Variants in CHLSN observed in about 807,000 individuals in gnomAD.
CHLSN encodes the protein cholesin, also known as protein cholesin.
chr7:980,648 G>A, the CHLSN span, among the ~76,000 whole-genome samples: 7 of 150,732 alleles, frequency 4.6e-5, no homozygotes, highest in African/African-American at 1.7e-4. Flanking sequence ...ACAGGCAGCC[G>A]TTAGAGGAGT....
At chr7:1,001,489 T>C in the CHLSN span, among the ~76,000 whole-genome samples, 10 of 116,616 alleles carry the variant, frequency 8.6e-5, no homozygotes, top group East Asian at 2.6e-4. Flanking sequence ...GTGAGTGGAG[T>C]CCTGCGGGTG....
the CHLSN span, among the ~76,000 whole-genome samples, chr7:980,238 C>T: frequency 6.6e-6 from 1 of 151,842 alleles, no homozygotes; most frequent in Non-Finnish European, 1.5e-5. Flanking sequence ...ACCCACCCTG[C>T]CTCTGATGTC....
the CHLSN span, among the ~76,000 whole-genome samples, chr7:1,029,883 G>A: frequency 1.3e-5 from 2 of 152,336 alleles, no homozygotes; most frequent in South Asian, 4.1e-4. Flanking sequence ...TGTGGTGGCA[G>A]CGGGGCAGGC....
chr7:1,037,247 T>A, the CHLSN span, among the ~76,000 whole-genome samples: 1 of 140,120 alleles, frequency 7.1e-6, no homozygotes, highest in South Asian at 2.4e-4. Flanking sequence ...TTTGGAACAG[T>A]ACAATAAGGC....
the CHLSN span, among the ~76,000 whole-genome samples, chr7:1,136,699 TTA>T: frequency 6.7e-6 from 1 of 150,156 alleles, no homozygotes; most frequent in Non-Finnish European, 1.5e-5. Context: ...ATATATGTAC[TTA>T]TATATATCAT....
At chr7:1,136,523 T>C in the CHLSN span, among the ~76,000 whole-genome samples, 1 of 133,744 alleles carries the variant, frequency 7.5e-6, no homozygotes, top group Admixed American at 8.0e-5. Flanking sequence ...TATATAAATA[T>C]ATATAAACAT....
At chr7:1,107,073 T>C in the CHLSN span, among the ~76,000 whole-genome samples, 3 of 152,096 alleles carry the variant, frequency 2.0e-5, no homozygotes, top group Admixed American at 2.0e-4. Flanking sequence ...CAGACTCGAC[T>C]CCGGGAAGGA....
the CHLSN span, chr7:1,091,732 G>C: frequency 6.5e-7 from 1 of 1,527,314 alleles, no homozygotes; most frequent in Non-Finnish European, 8.8e-7. Context: ...CAGAGACATG[G>C]ATGTGACTTC....
At chr7:1,105,402 G>A in the CHLSN span, among the ~76,000 whole-genome samples, 1 of 152,212 alleles carries the variant, frequency 6.6e-6, no homozygotes, top group Non-Finnish European at 1.5e-5. Context: ...CTAAGAGCAG[G>A]TGCTTGAGAA....
the CHLSN span, chr7:984,950 G>T: frequency 1.9e-6 from 3 of 1,597,556 alleles, no homozygotes; most frequent in Admixed American, 1.7e-5. Context: ...CTGCCTACAG[G>T]CATCTTCTTC....
the CHLSN span, among the ~76,000 whole-genome samples, chr7:979,622 A>G: frequency 0.015 from 2,241 of 151,868 alleles, 120 homozygotes; most frequent in East Asian, 0.21. Flanking sequence ...CGTGGTGGTG[A>G]GTGCCTGTAG....
the CHLSN span, among the ~76,000 whole-genome samples, chr7:1,095,637 T>C: frequency 6.6e-6 from 1 of 152,212 alleles, no homozygotes; most frequent in Non-Finnish European, 1.5e-5. Context: ...ACACGGAACG[T>C]GGTCTGGTCC....
the CHLSN span, among the ~76,000 whole-genome samples, chr7:1,118,254 G>GT: frequency 6.6e-6 from 1 of 152,286 alleles, no homozygotes; most frequent in South Asian, 2.1e-4. Flanking sequence ...AGTCCTAGCC[G>GT]TTGCTAGAAG....
the CHLSN span, among the ~76,000 whole-genome samples, chr7:1,013,729 G>A: frequency 6.6e-6 from 1 of 152,142 alleles, no homozygotes; most frequent in Non-Finnish European, 1.5e-5. Flanking sequence ...GTCTAAAGCC[G>A]GCGTCTCTGG....
the CHLSN span, chr7:987,060 G>C: frequency 6.9e-7 from 1 of 1,453,354 alleles, no homozygotes. Context: ...GTGGGGTGGG[G>C]GACAGACCCC....
chr7:1,073,880 A>C, the CHLSN span, among the ~76,000 whole-genome samples: 1 of 17,376 alleles, frequency 5.8e-5, no homozygotes, highest in Non-Finnish European at 1.0e-4. Flanking sequence ...GCCCGCCCCG[A>C]CCCCGCACCC....
At chr7:1,061,024 C>G in the CHLSN span, among the ~76,000 whole-genome samples, 1 of 152,196 alleles carries the variant, frequency 6.6e-6, no homozygotes, top group Non-Finnish European at 1.5e-5. Flanking sequence ...TTCCAGCCCC[C>G]CTTGGCTCCA....
chr7:1,014,111 T>C, the CHLSN span, among the ~76,000 whole-genome samples: 1 of 152,060 alleles, frequency 6.6e-6, no homozygotes, highest in African/African-American at 2.4e-5. Context: ...CAGTCAAACA[T>C]GAAATCCTTA....
the CHLSN span, chr7:1,021,446 A>C: frequency 1.0e-6 from 1 of 985,478 alleles, no homozygotes; most frequent in South Asian, 4.7e-5. Flanking sequence ...GTCTTCATCC[A>C]TTAAGTCTGA....
Sources: gnomAD v4.1 joint callset for allele counts (sites outside exome capture counted in the v4.1 genomes callset) on GRCh38, gnomAD v4.1.1 for gene constraint, MANE v1.5 for transcripts, NCBI Gene and HGNC (gene_info 2026-07-23, HGNC 2026-07-21) for gene names.